Variants in GALNT18 observed in about 807,000 individuals in gnomAD.
GALNT18 encodes polypeptide N-acetylgalactosaminyltransferase 18, also known as GalNAc-transferase 18.
In GALNT18, 44 loss-of-function variants were observed where a neutral mutation model predicts 69.5. The observed-to-expected ratio is 0.63, with a 90% CI of 0.50 to 0.81. GALNT18 has a LOEUF of 0.81. GALNT18 is among the 40% of genes least tolerant of loss of function. The pLI is 0.00. For synonymous variants in GALNT18, 364 were observed against 318.2 expected, an observed-to-expected ratio of 1.14 and a Z score of -1.53; for missense variants, 715 against 810.0, an observed-to-expected ratio of 0.88 and a Z score of 1.42.
intron 1 of GALNT18, among the ~76,000 whole-genome samples, chr11:11,449,461 G>T (rs1855742330): frequency 6.6e-6 from 1 of 152,180 alleles, no homozygotes. Flanking sequence ...ACATTCACCT[G>T]GCTGTCAGCA....
In GALNT18 at chr11:11,469,995, T is replaced by G. The variant is rs1328559843; in HGVS notation, c.236-21059A>C. Among the ~76,000 whole-genome samples the G allele has an allele frequency of 6.6e-6, 1 of 152,198 alleles. No homozygotes were observed. Among genetic ancestry groups the G allele is most frequent in the Non-Finnish European group, 1.5e-5 (1 of 68,036 alleles). ...GTTCTTTGAATGAATTGAAGTCCTG[T>G]TTGCTTGCCTTTGTAACTGCTTCCC... On this transcript the variant is annotated intron_variant, in intron 1 of 10. Transcript: ENST00000227756. The surrounding 1 kb of genome is among the most constrained non-coding windows in gnomAD (Gnocchi z 4.2).
intron 2 of GALNT18, 51 bp downstream of exon 2, chr11:11,448,693 C>A (rs747007340): frequency 6.7e-6 from 10 of 1,486,932 alleles, no homozygotes; most frequent in South Asian, 1.3e-5. Context: ...TCTGGGGACC[C>A]CATCTCCCCA....
At chr11:11,308,014 A>G (rs4910314) in intron 9 of GALNT18, among the ~76,000 whole-genome samples, 82,970 of 151,962 alleles carry the variant, frequency 0.55, 22,762 homozygotes, top group Admixed American at 0.61. Context: ...TGTTTCTCTC[A>G]GTCTGATTCT....
intron 1 of GALNT18, among the ~76,000 whole-genome samples, chr11:11,553,227 A>G (rs1228073348): frequency 6.6e-6 from 1 of 152,116 alleles, no homozygotes; most frequent in African/African-American, 2.4e-5. Flanking sequence ...TCCTTTCTTT[A>G]TCCCACCGCT....
rs904534149 is a variant in GALNT18 at position 11,402,288 on chromosome 11, T to C, written c.596-23024A>G. 6.6e-6 allele frequency among the ~76,000 whole-genome samples: 1 copy of C among 152,248 alleles called. No homozygotes were observed. Among genetic ancestry groups the C allele is most frequent in the Non-Finnish European group, 1.5e-5 (1 of 68,044 alleles). On this transcript the variant is annotated intron_variant, in intron 3 of 10. Coordinates refer to ENST00000227756, the MANE Select transcript of GALNT18 (RefSeq NM_198516.3). This position sits in a 1 kb window ranked among gnomAD's most constrained non-coding sequence, Gnocchi z 4.0. Reference sequence around the variant, plus strand: ...CTGGTGGAATTAGATTTCTTTCCTCTTCATTTATGAAATGTAAGCAACTCA... The same window carrying C: ...CTGGTGGAATTAGATTTCTTTCCTCCTCATTTATGAAATGTAAGCAACTCA...
At chr11:11,477,799 G>A (rs1383452217) in intron 1 of GALNT18, among the ~76,000 whole-genome samples, 1 of 152,184 alleles carries the variant, frequency 6.6e-6, no homozygotes, top group East Asian at 1.9e-4. Context: ...TAAAAGGATA[G>A]TGATAACAAA....
At position 11,583,211 on chromosome 11, in the gene GALNT18, C is replaced by T. The variant is rs1398795821; in HGVS notation, c.235+38148G>A. Among the ~76,000 whole-genome samples the T allele has an allele frequency of 2.6e-5, 4 of 152,188 alleles. No homozygotes were observed. Among genetic ancestry groups the T allele is most frequent in the Admixed American group, 6.5e-5 (1 of 15,284 alleles). The stretch of plus-strand genomic sequence containing the variant: ...CTGCTGAGTTATTGGTCAGGGAACA[C>T]AAAGCCAATTCCACCCTGGTCTCCT... On this transcript the variant is annotated intron_variant, in intron 1 of 10. Coordinates refer to ENST00000227756, the MANE Select transcript of GALNT18 (RefSeq NM_198516.3). The surrounding 1 kb of genome is among the most constrained non-coding windows in gnomAD (Gnocchi z 4.7).
At position 11,497,396 on chromosome 11, in the gene GALNT18, G is replaced by T. The variant is rs1484694391; in HGVS notation, c.236-48460C>A. The stretch of plus-strand genomic sequence containing the variant: ...CCCCTTAGAATGGGGCTCCTTAAGA[G>T]CAGGGACTTTATGGGTCTTATGGAG... On this transcript the variant is annotated intron_variant, in intron 1 of 10. Coordinates refer to ENST00000227756, the MANE Select transcript of GALNT18 (RefSeq NM_198516.3). This position sits in a 1 kb window ranked among gnomAD's most constrained non-coding sequence, Gnocchi z 4.2. Among the ~76,000 whole-genome samples the T allele has an allele frequency of 7.0e-6, 1 of 143,106 alleles. No individual in the cohort carries two copies. Among genetic ancestry groups the T allele is most frequent in the Non-Finnish European group, 1.5e-5 (1 of 66,214 alleles). 93.9% of individuals were successfully genotyped at this position (143,106 alleles called of 152,430 possible).
chr11:11,400,833 A>G (rs1854445173), intron 3 of GALNT18, among the ~76,000 whole-genome samples: 1 of 151,868 alleles, frequency 6.6e-6, no homozygotes, highest in Non-Finnish European at 1.5e-5. Context: ...GTAGGTGTCT[A>G]GCTCTTGTTC....
chr11:11,336,714 G>A (rs565525058), intron 7 of GALNT18, among the ~76,000 whole-genome samples: 124 of 152,312 alleles, frequency 8.1e-4, no homozygotes, highest in Non-Finnish European at 1.3e-3. Context: ...TAGCATCCAT[G>A]CATCCTCCTT....
chr11:11,577,027 A>G (rs552008862), intron 1 of GALNT18, among the ~76,000 whole-genome samples: 2 of 152,254 alleles, frequency 1.3e-5, no homozygotes, highest in Admixed American at 6.5e-5. Context: ...AGACTGTCAG[A>G]CTGTCACCTC....
In GALNT18 at chr11:11,563,752, T is replaced by C. The variant is rs1005911499; in HGVS notation, c.235+57607A>G. Among the ~76,000 whole-genome samples the C allele has an allele frequency of 2.0e-5, 3 of 152,178 alleles. No homozygotes were observed. Among genetic ancestry groups the C allele is most frequent in the Non-Finnish European group, 4.4e-5 (3 of 68,034 alleles). The stretch of plus-strand genomic sequence containing the variant: ...CAGCCCTGCCTCCCTAGCACCACAC[T>C]TTTGTGGAAACTATTCTGAGAAATC... On this transcript the variant is annotated intron_variant, in intron 1 of 10. Coordinates refer to ENST00000227756, the MANE Select transcript of GALNT18 (RefSeq NM_198516.3). The surrounding 1 kb of genome is among the most constrained non-coding windows in gnomAD (Gnocchi z 4.6).
chr11:11,273,808 G>A (rs72859244), intron 10 of GALNT18, among the ~76,000 whole-genome samples: 1 of 152,260 alleles, frequency 6.6e-6, no homozygotes, highest in Non-Finnish European at 1.5e-5. Context: ...TCCATCAATA[G>A]GTTAATGAAT....
At chr11:11,510,978 G>A (rs558730309) in intron 1 of GALNT18, among the ~76,000 whole-genome samples, 9 of 151,894 alleles carry the variant, frequency 5.9e-5, no homozygotes, top group Non-Finnish European at 1.3e-4. Context: ...CATGAGGATG[G>A]TGCCCGGACA....
chr11:11,291,315 A>G (rs1398926764), intron 10 of GALNT18, among the ~76,000 whole-genome samples: 3 of 150,112 alleles, frequency 2.0e-5, no homozygotes, highest in South Asian at 2.1e-4. Context: ...GATGAGAAGT[A>G]AGAGAGAATT....
Position 11,587,729 on chromosome 11 carries a change from C to T in GALNT18, c.235+33630G>A, listed in dbSNP as rs1043894279. The stretch of plus-strand genomic sequence containing the variant: ...ATTAACAGGCAACATTTCCCCTTGA[C>T]TTCCCCTGGTAGGTGATCAAACTTA... On this transcript the variant is annotated intron_variant, in intron 1 of 10. Coordinates refer to ENST00000227756, the MANE Select transcript of GALNT18 (RefSeq NM_198516.3). The surrounding 1 kb of genome is among the most constrained non-coding windows in gnomAD (Gnocchi z 4.4). Among the ~76,000 whole-genome samples the T allele has an allele frequency of 6.6e-6, 1 of 152,048 alleles. No individual in the cohort carries two copies. Among genetic ancestry groups the T allele is most frequent in the Non-Finnish European group, 1.5e-5 (1 of 68,034 alleles).
chr11:11,483,226 T>C (rs34072075), intron 1 of GALNT18, among the ~76,000 whole-genome samples: 31,278 of 152,092 alleles, frequency 0.21, 4,002 homozygotes, highest in South Asian at 0.28. Flanking sequence ...CTTTGCCAGC[T>C]CTACTCTTAG....
intron 3 of GALNT18, among the ~76,000 whole-genome samples, chr11:11,412,616 G>A (rs776721998): frequency 6.6e-6 from 1 of 152,222 alleles, no homozygotes; most frequent in Non-Finnish European, 1.5e-5. Context: ...AGCATGCCTT[G>A]CAGTTGGCCT....
At chr11:11,537,938 C>T (rs939598947) in intron 1 of GALNT18, among the ~76,000 whole-genome samples, 2 of 152,124 alleles carry the variant, frequency 1.3e-5, no homozygotes. Context: ...GGATGAGTTA[C>T]AGCCCAGCCC....
Sources: gnomAD v4.1 joint callset for allele counts (sites outside exome capture counted in the v4.1 genomes callset) on GRCh38, gnomAD v4.1.1 for gene constraint, Gnocchi (gnomAD v3.1) non-coding constraint, MANE v1.5 for transcripts, NCBI Gene and HGNC (gene_info 2026-07-23, HGNC 2026-07-21) for gene names.